Variants in HEATR3 observed in about 807,000 individuals in gnomAD.
HEATR3 encodes HEAT repeat-containing protein 3.
HEATR3 carries 56 observed loss-of-function variants against 72.8 expected under a neutral mutation model. That is an observed-to-expected ratio of 0.77 (90% CI 0.62 to 0.96). HEATR3 has a LOEUF of 0.96. HEATR3 is among the 40% of genes least tolerant of loss of function. The pLI is 0.00. For missense variants in HEATR3, 747 were observed against 831.4 expected, an observed-to-expected ratio of 0.90 and a Z score of 1.25; for synonymous variants, 331 against 318.1, an observed-to-expected ratio of 1.04 and a Z score of -0.43.
At chr16:50,069,145 A>G (rs2150594638) in intron 3 of HEATR3, 1 of 246,528 alleles carries the variant, frequency 4.1e-6, no homozygotes, top group Non-Finnish European at 7.8e-6. Context: ...GTATTTAGTC[A>G]TTGCTTATTT....
At chr16:50,077,012 T>C (rs1412525662) in intron 6 of HEATR3, among the ~76,000 whole-genome samples, 1 of 151,570 alleles carries the variant, frequency 6.6e-6, no homozygotes, top group Non-Finnish European at 1.5e-5. Flanking sequence ...GGACTACAGG[T>C]GCCTGCCACC....
Position 50,105,492 on chromosome 16 carries a change from CCTGTCAGAAACT to C in HEATR3, c.*436_*447del, listed in dbSNP as rs2037466532. On this transcript the variant is annotated 3_prime_UTR_variant, in exon 15 of 15. Transcript: ENST00000299192. ...AAAAAAAAAAAAAAAAACTTCAAAA[CCTGTCAGAAACT>C]CTGTTGCTGGTTTTTTTGTGTGTGT... is the stretch of plus-strand genomic sequence containing the variant. The C allele has an allele frequency of 6.6e-6, 1 of 152,374 alleles. No homozygotes were observed. Among genetic ancestry groups the C allele is most frequent in the South Asian group, 2.0e-4 (1 of 5,000 alleles). The allele number at this position is 152,374 out of a possible 1,614,324, so 9.4% of individuals were successfully genotyped here.
chr16:50,079,677 A>T (rs1367326904), intron 7 of HEATR3, among the ~76,000 whole-genome samples: 1 of 152,196 alleles, frequency 6.6e-6, no homozygotes, highest in Admixed American at 6.5e-5. Context: ...GAGAGCAAAT[A>T]GGAAGACGGG....
Position 50,088,358 on chromosome 16 carries a change from T to A in HEATR3, c.1510+2007T>A, listed in dbSNP as rs151020372. Among the ~76,000 whole-genome samples the A allele has an allele frequency of 4.6e-4, 70 of 152,340 alleles. 1 individual carries two copies. The East Asian group carries it at 0.013, about 29-fold the overall frequency. On this transcript the variant is annotated intron_variant, in intron 11 of 14. Coordinates refer to ENST00000299192, the MANE Select transcript of HEATR3 (RefSeq NM_182922.4). Reference sequence around the variant, plus strand: ...GGTTACTGAGCTGTCTCTGCCACCCTTTCAACATTGATCAGTTAACAGGTG... The same window carrying A: ...GGTTACTGAGCTGTCTCTGCCACCCATTCAACATTGATCAGTTAACAGGTG...
chr16:50,066,739 TCACCTGCAGCGTC>T (rs1441755188), intron 2 of HEATR3, 200 bp downstream of exon 2: 1 of 459,596 alleles, frequency 2.2e-6, no homozygotes. Flanking sequence ...CCTGGCTGCT[TCACCTGCAGCGTC>T]CACCTGCTCA....
chr16:50,094,595 A>T, intron 11 of HEATR3, 110 bp from the exon 12 acceptor site: 1 of 604,750 alleles, frequency 1.7e-6, no homozygotes, highest in Non-Finnish European at 2.8e-6. Flanking sequence ...TGTTTGTTTT[A>T]TTAAGAATAG....
intron 11 of HEATR3, among the ~76,000 whole-genome samples, chr16:50,093,620 A>T (rs1459025280): frequency 6.6e-6 from 1 of 152,244 alleles, no homozygotes; most frequent in Non-Finnish European, 1.5e-5. Flanking sequence ...TCAGTAGTGC[A>T]GAGGCTGAGA....
At position 50,094,801 on chromosome 16, in the gene HEATR3, T is replaced by C; in HGVS notation, c.1599+8T>C. 6.4e-7 allele frequency: 1 copy of C among 1,553,764 alleles called. No individual in the cohort carries two copies. The highest frequency in any genetic ancestry group is 1.4e-5 in the African/African-American group (1 of 72,960). ...TCCAAGAACATTTCCCAGGTAAGAG[T>C]TTTAAAATTTTTTGTATGAAACTTG... On this transcript the variant is annotated splice_region_variant and intron_variant, in intron 12 of 14. Transcript: ENST00000299192.
At chr16:50,067,480 C>T (rs888044891) in intron 2 of HEATR3, among the ~76,000 whole-genome samples, 1 of 151,836 alleles carries the variant, frequency 6.6e-6, no homozygotes, top group Non-Finnish European at 1.5e-5. Flanking sequence ...AGCAAAGAAG[C>T]GAAGCAGCAG....
intron 3 of HEATR3, among the ~76,000 whole-genome samples, chr16:50,069,931 A>G (rs1024557960): frequency 2.0e-5 from 3 of 152,228 alleles, no homozygotes; most frequent in African/African-American, 7.2e-5. Flanking sequence ...AGAAGGCGCT[A>G]TGTAATAAAC....
chr16:50,102,220 C>G, intron 13 of HEATR3, 39 bp from the exon 14 acceptor site: 2 of 1,551,384 alleles, frequency 1.3e-6, no homozygotes, highest in Non-Finnish European at 1.8e-6. Context: ...GTTTTGGAGA[C>G]TGGTGTTAGT....
chr16:50,100,630 G>T, intron 13 of HEATR3: 1 of 422,474 alleles, frequency 2.4e-6, no homozygotes, highest in South Asian at 2.9e-5. Context: ...AAATAAATCT[G>T]TCTTTAGTGA....
At chr16:50,091,151 AAATT>A (rs926270040) in intron 11 of HEATR3, among the ~76,000 whole-genome samples, 47 of 148,936 alleles carry the variant, frequency 3.2e-4, no homozygotes, top group African/African-American at 1.1e-3. Flanking sequence ...CTCAAAAAAG[AAATT>A]AATTAATTAA....
intron 6 of HEATR3, among the ~76,000 whole-genome samples, chr16:50,076,750 A>T (rs1438651224): frequency 6.7e-6 from 1 of 150,052 alleles, no homozygotes; most frequent in Non-Finnish European, 1.5e-5. Flanking sequence ...CCCAGGCTGG[A>T]ACGCAGTGGT....
rs2037455937 is a variant in HEATR3, at chr16:50,105,135, G to A, written c.*74G>A. The A allele has an allele frequency of 6.8e-7, 1 of 1,465,884 alleles. No homozygotes were observed. Among genetic ancestry groups the A allele is most frequent in the Non-Finnish European group, 9.4e-7 (1 of 1,069,454 alleles). 90.8% of individuals were successfully genotyped at this position (1,465,884 alleles called of 1,614,324 possible). On this transcript the variant is annotated 3_prime_UTR_variant, in exon 15 of 15. Coordinates refer to ENST00000299192, the MANE Select transcript of HEATR3 (RefSeq NM_182922.4). ...GAATACTAAAAGGTTTTCTTTGAAT[G>A]TATATGTTTCTGAAAGTCATTTTTT... is the stretch of plus-strand genomic sequence containing the variant.
intron 14 of HEATR3, among the ~76,000 whole-genome samples, chr16:50,104,669 A>T (rs150112485): frequency 6.6e-6 from 1 of 152,210 alleles, no homozygotes; most frequent in Admixed American, 6.5e-5. Context: ...TTCCCAATTC[A>T]TGGTTTACAT....
intron 12 of HEATR3, among the ~76,000 whole-genome samples, chr16:50,095,431 T>C (rs2037213776): frequency 6.9e-6 from 1 of 144,852 alleles, no homozygotes; most frequent in Non-Finnish European, 1.5e-5. Flanking sequence ...TTTTTTAACA[T>C]TTCATTACAG....
chr16:50,092,436 C>CTTTTT (rs375532097), intron 11 of HEATR3, among the ~76,000 whole-genome samples: 1 of 106,030 alleles, frequency 9.4e-6, no homozygotes, highest in African/African-American at 3.7e-5. Flanking sequence ...TTTCTTTTTT[C>CTTTTT]TTTTTTTTTT....
chr16:50,094,882 A>G (rs1286536207), intron 12 of HEATR3, 89 bp downstream of exon 12: 4 of 678,994 alleles, frequency 5.9e-6, no homozygotes, highest in African/African-American at 1.9e-5. Context: ...TAAAAAATAC[A>G]TATTTCTGTT....
Sources: allele counts gnomAD v4.1 joint callset (sites outside exome capture counted in the v4.1 genomes callset), GRCh38; gene constraint gnomAD v4.1.1; transcripts MANE v1.5; gene names NCBI Gene and HGNC (gene_info 2026-07-23, HGNC 2026-07-21).